RGS6: variants seen among roughly 807,000 people sequenced by gnomAD.
RGS6 encodes regulator of G-protein signaling 6.
Under a neutral mutation model 78.5 loss-of-function variants are expected in RGS6, and 30 were observed. The observed-to-expected ratio is 0.38, with a 90% CI of 0.29 to 0.52. The LOEUF is 0.52. RGS6 is among the 20% of genes least tolerant of loss of function. RGS6 has a pLI of 0.85. For synonymous variants in RGS6, 206 were observed against 206.0 expected, an observed-to-expected ratio of 1.00 and a Z score of 0.00; for missense variants, 495 against 609.7, an observed-to-expected ratio of 0.81 and a Z score of 1.98.
chr14:72,548,070 A>G (rs772912212), intron 17 of RGS6, among the ~76,000 whole-genome samples: 6 of 152,046 alleles, frequency 3.9e-5, no homozygotes, highest in African/African-American at 9.7e-5. Flanking sequence ...CAGCGTCTTC[A>G]TGGCAGGGGA....
chr14:72,580,640 A>G, the RGS6 span, among the ~76,000 whole-genome samples: 1 of 152,238 alleles, frequency 6.6e-6, no homozygotes. Context: ...GTATGGTTGT[A>G]ATCAGGCTAT....
At chr14:72,581,349 C>T in the RGS6 span, among the ~76,000 whole-genome samples, 3 of 152,256 alleles carry the variant, frequency 2.0e-5, no homozygotes, top group South Asian at 6.2e-4. Flanking sequence ...TTTGCAAATT[C>T]TATTTTTATA....
rs553909547 is a variant in RGS6 at position 71,976,659 on chromosome 14, C to T, written c.84+11784C>T. On this transcript the variant is annotated intron_variant, in intron 2 of 17. Coordinates refer to ENST00000553525, the MANE Select transcript of RGS6 (RefSeq NM_001204424.2). ...GCCACATTTTCTTAATCCAGTCTAT[C>T]ATTGTTGGACATTTGAGTTGGTTCC... Among the ~76,000 whole-genome samples the T allele has an allele frequency of 6.6e-5, 10 of 152,282 alleles. No homozygotes were observed. In the South Asian group the frequency reaches 1.7e-3, roughly 25 times the overall value.
chr14:72,557,812 C>G (rs2097604017), intron 17 of RGS6, among the ~76,000 whole-genome samples: 1 of 152,150 alleles, frequency 6.6e-6, no homozygotes, highest in African/African-American at 2.4e-5. Context: ...AAATAGTGTT[C>G]CACATTAGTT....
intron 3 of RGS6, among the ~76,000 whole-genome samples, chr14:72,425,822 A>T (rs2094411918): frequency 6.6e-6 from 1 of 152,214 alleles, no homozygotes. Context: ...AGGCATAAAA[A>T]GTTTCACCTG....
intron 3 of RGS6, among the ~76,000 whole-genome samples, chr14:72,352,595 A>G (rs1313886643): frequency 6.6e-6 from 1 of 152,146 alleles, no homozygotes; most frequent in Non-Finnish European, 1.5e-5. Context: ...AGTGTACTTG[A>G]CCTCCTGAAA....
intron 2 of RGS6, among the ~76,000 whole-genome samples, chr14:72,134,945 C>T (rs1201530797): frequency 6.6e-6 from 1 of 152,192 alleles, no homozygotes; most frequent in African/African-American, 2.4e-5. Flanking sequence ...GGCAGATGTA[C>T]TTGACTCAGT....
chr14:71,871,716 C>T, the RGS6 span, among the ~76,000 whole-genome samples: 1 of 152,158 alleles, frequency 6.6e-6, no homozygotes, highest in Admixed American at 6.5e-5. Flanking sequence ...CAGGTTCAGA[C>T]TATCCCTCTT....
At chr14:72,380,480 A>C (rs200003690) in intron 3 of RGS6, among the ~76,000 whole-genome samples, 7 of 145,326 alleles carry the variant, frequency 4.8e-5, no homozygotes, top group African/African-American at 1.6e-4. Context: ...AAAAAAAAAA[A>C]CCGAACAATC....
chr14:72,611,334 G>A, the RGS6 span, among the ~76,000 whole-genome samples: 1 of 152,240 alleles, frequency 6.6e-6, no homozygotes, highest in South Asian at 2.1e-4. Context: ...GAGAGTCTAA[G>A]CCAGCACGAA....
At chr14:72,573,286 C>G in the RGS6 span, among the ~76,000 whole-genome samples, 2 of 152,162 alleles carry the variant, frequency 1.3e-5, no homozygotes, top group Non-Finnish European at 2.9e-5. Flanking sequence ...GCGTTAAGCC[C>G]CAGGGACACT....
intron 2 of RGS6, among the ~76,000 whole-genome samples, chr14:71,997,462 G>C (rs1392781404): frequency 6.6e-6 from 1 of 152,200 alleles, no homozygotes; most frequent in Admixed American, 6.5e-5. Context: ...AATTAAGAAG[G>C]CCTATGAACT....
chr14:72,069,912 T>TAAAAA (rs2094340394), intron 2 of RGS6, among the ~76,000 whole-genome samples: 2 of 152,224 alleles, frequency 1.3e-5, no homozygotes, highest in African/African-American at 4.8e-5. Flanking sequence ...CATTAGTTGC[T>TAAAAA]TACTACGTAT....
At chr14:72,588,864 G>C in the RGS6 span, among the ~76,000 whole-genome samples, 1 of 152,160 alleles carries the variant, frequency 6.6e-6, no homozygotes, top group African/African-American at 2.4e-5. Flanking sequence ...AGAGATGGAT[G>C]GTCGTGTGCA....
chr14:72,068,954 A>G (rs761851590), intron 2 of RGS6, among the ~76,000 whole-genome samples: 1 of 151,182 alleles, frequency 6.6e-6, no homozygotes, highest in East Asian at 1.9e-4. Flanking sequence ...TGTTTATTCT[A>G]CTTTTGTTTC....
At position 72,218,799 on chromosome 14, in the gene RGS6, A is replaced by G. The variant is rs145805935; in HGVS notation, c.85-133296A>G. Among the ~76,000 whole-genome samples, 421 of 152,050 alleles carry G rather than the reference A, an allele frequency of 2.8e-3. 1 individual carries two copies. Among genetic ancestry groups the G allele is most frequent in the Non-Finnish European group, 4.3e-3 (291 of 67,980 alleles). On this transcript the variant is annotated intron_variant, in intron 2 of 17. Transcript: ENST00000553525. ...GCTAATTTTTGTATTTTTAGTAGAG[A>G]TGGGGTTTCACGATGTTGTGCAGGA...
chr14:72,338,507 G>A (rs901883301), intron 2 of RGS6, among the ~76,000 whole-genome samples: 1 of 152,234 alleles, frequency 6.6e-6, no homozygotes, highest in Admixed American at 6.5e-5. Flanking sequence ...AATTAAGGGA[G>A]ATACACTTCA....
At chr14:72,151,267 G>C (rs2096682505) in intron 2 of RGS6, among the ~76,000 whole-genome samples, 1 of 152,154 alleles carries the variant, frequency 6.6e-6, no homozygotes, top group Non-Finnish European at 1.5e-5. Context: ...ACGACAATAG[G>C]GGATTTTTAA....
At chr14:72,585,044 G>T in the RGS6 span, among the ~76,000 whole-genome samples, 19,434 of 151,384 alleles carry the variant, frequency 0.13, 3,667 homozygotes, top group African/African-American at 0.41. Context: ...GCATTATGTC[G>T]TCTTCATTTC....
Sources: allele counts gnomAD v4.1 joint callset (sites outside exome capture counted in the v4.1 genomes callset), GRCh38; gene constraint gnomAD v4.1.1; transcripts MANE v1.5; gene names NCBI Gene and HGNC (gene_info 2026-07-23, HGNC 2026-07-21).